Variants in DMKN observed in about 807,000 individuals in gnomAD.
DMKN encodes dermokine.
In DMKN, 58 loss-of-function variants were observed where a neutral mutation model predicts 67.6. That is an observed-to-expected ratio of 0.86 (90% CI 0.69 to 1.07). The LOEUF is 1.07. Ranked by LOEUF, DMKN falls within the 50% of genes least tolerant of loss-of-function variation. DMKN has a pLI of 0.00. For synonymous variants in DMKN, 240 were observed against 232.3 expected, an observed-to-expected ratio of 1.03 and a Z score of -0.30; for missense variants, 596 against 601.5, an observed-to-expected ratio of 0.99 and a Z score of 0.10.
chr19:35,505,688 C>A (rs780174713), intron 9 of DMKN, 30 bp downstream of exon 9: 56 of 1,613,924 alleles, frequency 3.5e-5, no homozygotes, highest in Non-Finnish European at 4.7e-5. Context: ...TTCCCTATAG[C>A]CCTCTCCGAC....
intron 5 of DMKN, 92 bp from the exon 6 acceptor site, chr19:35,510,344 C>T: frequency 6.4e-7 from 1 of 1,552,654 alleles, no homozygotes; most frequent in Non-Finnish European, 8.7e-7. Flanking sequence ...GTTGGAACCC[C>T]AATCAGATTC....
intron 10 of DMKN, 110 bp downstream of exon 10, chr19:35,502,720 G>C: frequency 9.2e-7 from 1 of 1,087,508 alleles, no homozygotes. Flanking sequence ...AAAAAAGGGG[G>C]GGAGTTTTGA....
rs1054093254 is a variant in DMKN at position 35,503,316 on chromosome 19, A to C, written c.1135-430T>G. ...CAGAGGCCAGGAGTGTGGGGCAGCT[A>C]AGGTTTATTTCAAGGGCAAGGGCTG... On this transcript the variant is annotated intron_variant, in intron 9 of 15. Transcript: ENST00000339686. The C allele has an allele frequency of 1.0e-5, 16 of 1,533,462 alleles. No homozygotes were observed. In the African/African-American group the frequency reaches 1.9e-4, roughly 19 times the overall value. 95.0% of individuals were successfully genotyped at this position (1,533,462 alleles called of 1,614,324 possible).
At chr19:35,507,395 A>T in intron 7 of DMKN, 1 of 1,469,558 alleles carries the variant, frequency 6.8e-7, no homozygotes, top group Non-Finnish European at 9.3e-7. Context: ...TTCTTTTCCC[A>T]GGATCTTAGC....
intron 1 of DMKN, 56 bp from the exon 2 acceptor site, chr19:35,512,846 G>A: frequency 6.4e-7 from 1 of 1,574,648 alleles, no homozygotes. Flanking sequence ...TGGTAGAGAA[G>A]AGCCAGGGCA....
intron 13 of DMKN, 102 bp downstream of exon 13, chr19:35,499,856 G>T: frequency 2.3e-6 from 3 of 1,292,296 alleles, no homozygotes; most frequent in Non-Finnish European, 2.2e-6. Context: ...AGCGGGATCC[G>T]GCCTCCGGCA....
Position 35,513,313 on chromosome 19 carries a change from T to G in DMKN, c.163A>C (p.Ile55Leu). The G allele has an allele frequency of 3.1e-6, 5 of 1,614,194 alleles. No individual in the cohort carries two copies. Among genetic ancestry groups the G allele is most frequent in the Middle Eastern group, 1.6e-4 (1 of 6,062 alleles). ...GCTGCCCCTCCGGCCTCTTTGCCAA[T>G]GGCCTTTCCCACCCCTTCGCTCAGG... The part of the protein sequence containing the change: ...DALSEGVGKA[I>L]GKEAGGAAGS... Residue 55 changes from isoleucine to leucine, a missense_variant, in exon 1 of 16, where the codon ATT (isoleucine) becomes CTT (leucine). By Grantham distance (5) the Ile-to-Leu change is conservative. Coordinates refer to ENST00000339686, the MANE Select transcript of DMKN (RefSeq NM_033317.5).
rs1413612894 is a variant in DMKN, at chr19:35,499,944, G to C, written c.1359+14C>G. 1 of 1,613,774 alleles carries C rather than the reference G, an allele frequency of 6.2e-7. No individual in the cohort carries two copies. The highest frequency in any genetic ancestry group is 2.2e-5 in the East Asian group (1 of 44,866). On this transcript the variant is annotated intron_variant, in intron 13 of 15. Coordinates refer to ENST00000339686, the MANE Select transcript of DMKN (RefSeq NM_033317.5). The stretch of plus-strand genomic sequence containing the variant: ...GAGCCCCCAGCGGGAAGACAGGGTG[G>C]TTGCCGGTCTCACCTTTGCAGGGGT...
chr19:35,500,662 C>T, intron 11 of DMKN, 82 bp from the exon 12 acceptor site: 5 of 1,471,918 alleles, frequency 3.4e-6, no homozygotes, highest in Non-Finnish European at 4.6e-6. Flanking sequence ...GTTTCTCCCT[C>T]ACCCCACCCC....
At position 35,512,412 on chromosome 19, in the gene DMKN, T is replaced by C; in HGVS notation, c.684+9A>G. 6.2e-7 allele frequency: 1 copy of C among 1,613,996 alleles called. No homozygotes were observed. Among genetic ancestry groups the C allele is most frequent in the Non-Finnish European group, 8.5e-7 (1 of 1,179,940 alleles). ...GCTTCTTCATTTGTTCCCAGCCCCT[T>C]CCTCTTACCCCTTCATTCTGGTTGC... On this transcript the variant is annotated intron_variant, in intron 3 of 15. Coordinates refer to ENST00000339686, the MANE Select transcript of DMKN (RefSeq NM_033317.5).
intron 5 of DMKN, chr19:35,510,603 C>A: frequency 2.1e-6 from 3 of 1,458,108 alleles, no homozygotes; most frequent in Non-Finnish European, 2.7e-6. Context: ...CACCTGGGAG[C>A]GGCCGTAGCT....
chr19:35,502,472 G>A (rs1454135239), intron 10 of DMKN, among the ~76,000 whole-genome samples: 1 of 152,158 alleles, frequency 6.6e-6, no homozygotes, highest in Admixed American at 6.5e-5. Context: ...GGCCGAGGCA[G>A]GTGGATCACG....
At chr19:35,503,205 C>A in intron 9 of DMKN, 1 of 1,429,254 alleles carries the variant, frequency 7.0e-7, no homozygotes. Context: ...CCTGCCGGGC[C>A]TCCTCCAGCC....
At chr19:35,500,155 G>A in intron 12 of DMKN, 126 bp from the exon 13 acceptor site, 1 of 1,234,432 alleles carries the variant, frequency 8.1e-7, no homozygotes. Flanking sequence ...CCCTCCTTGT[G>A]TCACGTGTTT....
chr19:35,506,194 G>A (rs1381762419), intron 7 of DMKN: 1 of 1,502,066 alleles, frequency 6.7e-7, no homozygotes, highest in Non-Finnish European at 8.8e-7. Context: ...CCCTGGGTGG[G>A]GAAAAGGGGG....
intron 11 of DMKN, among the ~76,000 whole-genome samples, chr19:35,501,094 GA>G (rs1257884218): frequency 6.6e-6 from 1 of 152,152 alleles, no homozygotes; most frequent in African/African-American, 2.4e-5. Flanking sequence ...AGCAACTTAA[GA>G]CACTGCAGAT....
intron 7 of DMKN, 84 bp from the exon 8 acceptor site, chr19:35,506,070 C>T: frequency 2.5e-6 from 4 of 1,609,316 alleles, no homozygotes; most frequent in South Asian, 1.1e-5. Context: ...GGAGGGGAGG[C>T]GAGGATTGTG....
rs2067637069 is a variant in DMKN at position 35,497,521 on chromosome 19, G to A, written c.*18C>T. On this transcript the variant is annotated 3_prime_UTR_variant, in exon 16 of 16. Transcript: ENST00000339686. ...ACCAGTGCTTTTCGGGGCCTCGGTG[G>A]TGGTTGCAAGAAATTGCCTAGAAGA... 1 of 152,280 alleles carries A rather than the reference G, an allele frequency of 6.6e-6. No homozygotes were observed. The highest frequency in any genetic ancestry group is 1.5e-5 in the Non-Finnish European group (1 of 68,072). The allele number at this position is 152,280 out of a possible 1,614,324, so 9.4% of individuals were successfully genotyped here.
intron 10 of DMKN, among the ~76,000 whole-genome samples, chr19:35,502,465 C>T (rs1162636125): frequency 6.6e-6 from 1 of 151,290 alleles, no homozygotes; most frequent in Non-Finnish European, 1.5e-5. Flanking sequence ...TTTGGGAGGC[C>T]GAGGCAGGTG....
Sources: gnomAD v4.1 joint callset for allele counts (sites outside exome capture counted in the v4.1 genomes callset) on GRCh38, gnomAD v4.1.1 for gene constraint, MANE v1.5 for transcripts, NCBI Gene and HGNC (gene_info 2026-07-23, HGNC 2026-07-21) for gene names.